The following CHD1L variants were observed in gnomAD, a reference collection of about 807,000 sequenced individuals.
CHD1L encodes the protein ATP-dependent chromatin remodeler CHD1L.
CHD1L carries 118 observed loss-of-function variants against 115.9 expected under a neutral mutation model. The ratio of observed to expected loss-of-function variants is 1.02; its 90% CI spans 0.88 to 1.19. The LOEUF is 1.19. Ranked by LOEUF, CHD1L falls within the 50% of genes most tolerant of loss-of-function variation. The pLI, the probability that CHD1L is intolerant of heterozygous loss-of-function variation, is 0.00. For missense variants in CHD1L, 1,179 were observed against 1,065.3 expected (o/e 1.11, Z -1.49); for synonymous variants, 411 against 387.1 (o/e 1.06, Z -0.72).
At position 147,280,211 on chromosome 1, in the gene CHD1L, A is replaced by T; in HGVS notation, c.1705+20A>T. 6.5e-7 allele frequency: 1 copy of T among 1,544,722 alleles called. No individual in the cohort carries two copies. The highest frequency in any genetic ancestry group is 2.3e-5 in the East Asian group (1 of 44,148). ...AAGGAAGTAAGTTGGAGGTTAGAGCAGAGCAAATGGCACAACCACCCCAAG... is the reference window on the plus strand; with the variant it reads ...AAGGAAGTAAGTTGGAGGTTAGAGCTGAGCAAATGGCACAACCACCCCAAG... On this transcript the variant is annotated intron_variant, in intron 15 of 22. Coordinates refer to ENST00000369258, the MANE Select transcript of CHD1L (RefSeq NM_004284.6).
At chr1:147,214,174 G>A in the CHD1L span, among the ~76,000 whole-genome samples, 2 of 152,108 alleles carry the variant, frequency 1.3e-5, no homozygotes, top group Non-Finnish European at 2.9e-5. Flanking sequence ...CATCCCGGCC[G>A]GGTGCGGTGG....
chr1:147,291,600 A>G, intron 20 of CHD1L, 48 bp downstream of exon 20: 1 of 1,496,624 alleles, frequency 6.7e-7, no homozygotes, highest in Non-Finnish European at 9.3e-7. Context: ...ACTCACATCA[A>G]CTTCTCTTGA....
chr1:147,210,480 A>G, the CHD1L span: 1 of 152,166 alleles, frequency 6.6e-6, no homozygotes. Context: ...CAGAGGGATA[A>G]TTGTTTACTT....
chr1:147,275,717 T>C (rs1678134848), intron 13 of CHD1L, among the ~76,000 whole-genome samples: 1 of 150,552 alleles, frequency 6.6e-6, no homozygotes, highest in Non-Finnish European at 1.5e-5. Flanking sequence ...GTCATTTAAC[T>C]CATCCTTCTT....
chr1:147,255,853 A>G lies in CHD1L; in HGVS notation c.388A>G (p.Lys130Glu). 4 of 1,613,888 alleles carry G rather than the reference A, an allele frequency of 2.5e-6. No homozygotes were observed. Among genetic ancestry groups the G allele is most frequent in the Middle Eastern group, 1.7e-4 (1 of 6,060 alleles). Residue 130 changes from lysine (K) to glutamate (E), a missense_variant, in exon 4 of 23, where the codon AAG becomes GAG. Transcript: ENST00000369258. ...TTCCTGTGTAACATATGCAGGCGAC[A>G]AGGAGGAAAGAGCCTGCCTTCAGCA... ...GLSCVTYAGDKEERACLQQDL... is the reference protein window; with the variant it reads ...GLSCVTYAGDEEERACLQQDL...
chr1:147,266,185 A>G (rs1162298794), intron 8 of CHD1L, 98 bp downstream of exon 8: 1 of 1,135,550 alleles, frequency 8.8e-7, no homozygotes, highest in Admixed American at 2.5e-5. Context: ...GATCCCAAGA[A>G]TATGGGATGG....
At chr1:147,201,570 A>AATTTTGC in the CHD1L span, 1 of 1,355,944 alleles carries the variant, frequency 7.4e-7, no homozygotes, top group Non-Finnish European at 1.0e-6. Flanking sequence ...ACATAAGTAA[A>AATTTTGC]ATTTTGCTTT....
intron 12 of CHD1L, chr1:147,272,560 A>G (rs1571945878): frequency 4.0e-6 from 1 of 247,110 alleles, no homozygotes; most frequent in African/African-American, 2.2e-5. Context: ...GATTTATGTG[A>G]TTTTGTGGAA....
At chr1:147,206,701 G>A in the CHD1L span, among the ~76,000 whole-genome samples, 1 of 152,116 alleles carries the variant, frequency 6.6e-6, no homozygotes, top group South Asian at 2.1e-4. Flanking sequence ...CTCATAGGTG[G>A]GAACTGAACA....
the CHD1L span, among the ~76,000 whole-genome samples, chr1:147,192,231 C>A: frequency 1.3e-5 from 2 of 151,978 alleles, no homozygotes; most frequent in Admixed American, 1.3e-4. Flanking sequence ...CTTCACATCC[C>A]TTGTAAGTTG....
chr1:147,217,944 A>C, the CHD1L span, among the ~76,000 whole-genome samples: 3 of 152,226 alleles, frequency 2.0e-5, no homozygotes, highest in African/African-American at 7.2e-5. Context: ...AATAGCACTC[A>C]ATAAATGTTT....
At chr1:147,290,603 T>C (rs1465373323) in intron 19 of CHD1L, among the ~76,000 whole-genome samples, 1 of 152,052 alleles carries the variant, frequency 6.6e-6, no homozygotes, top group Non-Finnish European at 1.5e-5. Flanking sequence ...TTATCAGACG[T>C]TTATGCATTA....
At chr1:147,251,043 C>T (rs1344414691) in intron 1 of CHD1L, among the ~76,000 whole-genome samples, 4 of 152,150 alleles carry the variant, frequency 2.6e-5, no homozygotes, top group Non-Finnish European at 4.4e-5. Context: ...CCCTCATTTG[C>T]CTTCCACCAT....
intron 21 of CHD1L, 109 bp downstream of exon 21, chr1:147,293,831 A>T (rs1253503031): frequency 1.2e-6 from 1 of 841,910 alleles, no homozygotes; most frequent in Admixed American, 2.1e-5. Flanking sequence ...TATGCACGGT[A>T]AAGGCAAACC....
chr1:147,271,239 G>C, intron 11 of CHD1L: 1 of 375,544 alleles, frequency 2.7e-6, no homozygotes, highest in South Asian at 6.6e-5. Context: ...TCAGTTACAT[G>C]ATTTAAAATT....
the CHD1L span, chr1:147,178,275 C>A: frequency 6.2e-7 from 1 of 1,613,604 alleles, no homozygotes; most frequent in Non-Finnish European, 8.5e-7. Context: ...AGTTCTTCGC[C>A]CCCTGGTGTG....
At chr1:147,269,368 G>A (rs1358369933) in intron 10 of CHD1L, among the ~76,000 whole-genome samples, 2 of 152,036 alleles carry the variant, frequency 1.3e-5, no homozygotes, top group Non-Finnish European at 1.5e-5. Context: ...CATGAGTTGC[G>A]CATTAGAAGA....
chr1:147,292,153 C>T lies in CHD1L; in HGVS notation c.2391+601C>T, dbSNP rs75252341. ...TCTATTTGTCTTTTTATCCTCAGTACCCTACATAGTACTAGCTCATAAGAA... is the reference window on the plus strand; with the variant it reads ...TCTATTTGTCTTTTTATCCTCAGTATCCTACATAGTACTAGCTCATAAGAA... On this transcript the variant is annotated intron_variant, in intron 20 of 22. Coordinates refer to ENST00000369258, the MANE Select transcript of CHD1L (RefSeq NM_004284.6). 2.4e-3 allele frequency among the ~76,000 whole-genome samples: 359 copies of T among 152,264 alleles called. 4 individuals are homozygous for T. The East Asian group carries it at 0.045, about 19-fold the overall frequency.
At chr1:147,212,918 T>TA in the CHD1L span, among the ~76,000 whole-genome samples, 2 of 151,990 alleles carry the variant, frequency 1.3e-5, no homozygotes, top group African/African-American at 2.4e-5. Flanking sequence ...CTTTTTTTTT[T>TA]AAAATGAAAA....
Sources: allele counts gnomAD v4.1 joint callset (sites outside exome capture counted in the v4.1 genomes callset), GRCh38; gene constraint gnomAD v4.1.1; transcripts MANE v1.5; gene names NCBI Gene and HGNC (gene_info 2026-07-23, HGNC 2026-07-21).